MAPK8: variants seen among roughly 807,000 people sequenced by gnomAD.
The protein encoded by MAPK8 is mitogen-activated protein kinase 8.
Under a neutral mutation model 52.9 loss-of-function variants are expected in MAPK8, and 13 were observed. The observed-to-expected ratio is 0.25, with a 90% CI of 0.16 to 0.39. The LOEUF is 0.39. Ranked by LOEUF, MAPK8 falls within the 10% of genes least tolerant of loss-of-function variation. The pLI is 1.00. For synonymous variants in MAPK8, 191 were observed against 169.8 expected, an observed-to-expected ratio of 1.12 and a Z score of -0.97; for missense variants, 300 against 519.2, an observed-to-expected ratio of 0.58 and a Z score of 4.10.
chr10:48,338,034 C>G (rs865955070), intron 1 of MAPK8, among the ~76,000 whole-genome samples: 1 of 152,076 alleles, frequency 6.6e-6, no homozygotes, highest in Non-Finnish European at 1.5e-5. Context: ...AGAGCTGATA[C>G]CAATCTTACT....
rs1266617125 is a variant in MAPK8, at chr10:48,438,251, T to C, written c.*3222T>C. On this transcript the variant is annotated 3_prime_UTR_variant, in exon 12 of 12. Transcript: ENST00000374189. Reference sequence around the variant, plus strand: ...TTCTGTCATTAGCAGCCCTCTTAAATGTTGCCTCTCCGTATCCTGTTGCAT... The same window carrying C: ...TTCTGTCATTAGCAGCCCTCTTAAACGTTGCCTCTCCGTATCCTGTTGCAT... 2.6e-5 allele frequency: 4 copies of C among 152,252 alleles called. No homozygotes were observed. The highest frequency in any genetic ancestry group is 5.9e-5 in the Non-Finnish European group (4 of 68,046). The allele number at this position is 152,252 out of a possible 1,614,324, so 9.4% of individuals were successfully genotyped here.
chr10:48,365,783 C>G (rs1847977075), intron 1 of MAPK8, among the ~76,000 whole-genome samples: 1 of 152,130 alleles, frequency 6.6e-6, no homozygotes, highest in Non-Finnish European at 1.5e-5. Context: ...ATAAGGAAGA[C>G]AAACTTTAGG....
At position 48,427,085 on chromosome 10, in the gene MAPK8, A is replaced by T; in HGVS notation, c.1002A>T (p.Pro334=). ...WYDPSEAEAP[P]PKIPDKQLDE... ...TATTGCCTTGTGTTTTTCAGCCACC[A>T]CCAAAGATCCCTGACAAGCAGTTAG... The change falls in exon 10 of 12, where the codon CCA becomes CCT. Residue 334 remains proline (P), a synonymous_variant. Transcript: ENST00000374189. 6.2e-7 allele frequency: 1 copy of T among 1,613,040 alleles called. No individual in the cohort carries two copies. Among genetic ancestry groups the T allele is most frequent in the African/African-American group, 1.3e-5 (1 of 75,006 alleles).
At chr10:48,389,116 A>G (rs987177016) in intron 1 of MAPK8, among the ~76,000 whole-genome samples, 1 of 152,144 alleles carries the variant, frequency 6.6e-6, no homozygotes, top group African/African-American at 2.4e-5. Flanking sequence ...GTATTTCTGT[A>G]TTAATTACTT....
chr10:48,395,292 A>G (rs1198559758), intron 1 of MAPK8, among the ~76,000 whole-genome samples: 3 of 152,052 alleles, frequency 2.0e-5, no homozygotes, highest in Non-Finnish European at 4.4e-5. Flanking sequence ...ACAGTGTGGT[A>G]TTGGCCGAAG....
Position 48,410,045 on chromosome 10 carries a change from G to A in MAPK8, c.327G>A (p.Glu109=). ...ACTCATAAAGTTACATAGTCATGGA[G>A]CTCATGGATGCAAATCTTTGCCAAG... ...EEFQDVYIVM[E]LMDANLCQVI... Residue 109 remains glutamate (E), a synonymous_variant, in exon 5 of 12, where the codon GAG becomes GAA. Transcript: ENST00000374189. 1 of 1,602,964 alleles carries A rather than the reference G, an allele frequency of 6.2e-7. No individual in the cohort carries two copies. The highest frequency in any genetic ancestry group is 8.5e-7 in the Non-Finnish European group (1 of 1,175,644).
chr10:48,435,629 G>GTAGGCAATCCTACT lies in MAPK8; in HGVS notation c.*603_*616dup, dbSNP rs1340814904. Reference sequence around the variant, plus strand: ...AATCCTAATTTAGTTACAAGAATTGGTAGGCAATCCTACTTAATTTTGGCA... The same window carrying GTAGGCAATCCTACT: ...AATCCTAATTTAGTTACAAGAATTGGTAGGCAATCCTACTTAGGCAATCCTACTTAATTTTGGCA... On this transcript the variant is annotated 3_prime_UTR_variant, in exon 12 of 12. Transcript: ENST00000374189. 2 of 152,150 alleles carry GTAGGCAATCCTACT rather than the reference G, an allele frequency of 1.3e-5. No individual in the cohort carries two copies. Among genetic ancestry groups the GTAGGCAATCCTACT allele is most frequent in the African/African-American group, 4.8e-5 (2 of 41,416 alleles). The allele number at this position is 152,150 out of a possible 1,614,324, so 9.4% of individuals were successfully genotyped here. A position where few individuals can be genotyped will look rare whatever the true frequency, so the allele number is the denominator to read the frequency against.
chr10:48,309,997 C>T (rs1240799550), intron 1 of MAPK8, among the ~76,000 whole-genome samples: 1 of 152,166 alleles, frequency 6.6e-6, no homozygotes, highest in Non-Finnish European at 1.5e-5. Flanking sequence ...AGAAGCCTTG[C>T]ATTCTTACTC....
Position 48,435,274 on chromosome 10 carries a change from C to G in MAPK8, c.*245C>G. 1 of 368,920 alleles carries G rather than the reference C, an allele frequency of 2.7e-6. No homozygotes were observed. The highest frequency in any genetic ancestry group is 4.8e-6 in the Non-Finnish European group (1 of 208,132). 22.9% of individuals were successfully genotyped at this position (368,920 alleles called of 1,614,324 possible). ...CTGTAATTAACTGTATAATGTAAAC[C>G]TAATTATTTTATCATGGTTTAAATT... On this transcript the variant is annotated 3_prime_UTR_variant, in exon 12 of 12. Coordinates refer to ENST00000374189, the MANE Select transcript of MAPK8 (RefSeq NM_001323329.2).
intron 7 of MAPK8, chr10:48,425,549 A>G (rs973475837): frequency 6.1e-6 from 2 of 328,672 alleles, no homozygotes; most frequent in African/African-American, 4.3e-5. Flanking sequence ...ATATTATTAT[A>G]GCATTGTGTG....
chr10:48,392,647 T>A (rs960880050), intron 1 of MAPK8, among the ~76,000 whole-genome samples: 1 of 152,112 alleles, frequency 6.6e-6, no homozygotes, highest in African/African-American at 2.4e-5. Context: ...ATTTTCTTTC[T>A]CATTCCCCCA....
intron 6 of MAPK8, among the ~76,000 whole-genome samples, chr10:48,420,907 T>C (rs2043316739): frequency 6.6e-6 from 1 of 152,192 alleles, no homozygotes; most frequent in Non-Finnish European, 1.5e-5. Context: ...AACCTAAGAA[T>C]CAGTGTTGAA....
chr10:48,383,077 A>G (rs1029553869), intron 1 of MAPK8, among the ~76,000 whole-genome samples: 6 of 151,942 alleles, frequency 3.9e-5, no homozygotes, highest in African/African-American at 1.2e-4. Flanking sequence ...TAAACAGCCA[A>G]TATTCCTGGC....
At position 48,439,117 on chromosome 10, in the gene MAPK8, CCCTCTGCGATGTCATT is replaced by C. The variant is rs2045094379; in HGVS notation, c.*4093_*4108del. 1 of 151,966 alleles carries C rather than the reference CCCTCTGCGATGTCATT, an allele frequency of 6.6e-6. No homozygotes were observed. The highest frequency in any genetic ancestry group is 2.4e-5 in the African/African-American group (1 of 41,354). 9.4% of individuals were successfully genotyped at this position (151,966 alleles called of 1,614,324 possible). ...TATGATAGCTGACATTTGCTTTTCTCCCTCTGCGATGTCATTCCTCCTCCATTCCTCTCCTTCCCTG... is the reference window on the plus strand; with the variant it reads ...TATGATAGCTGACATTTGCTTTTCTCCCTCCTCCATTCCTCTCCTTCCCTG... On this transcript the variant is annotated 3_prime_UTR_variant, in exon 12 of 12. Coordinates refer to ENST00000374189, the MANE Select transcript of MAPK8 (RefSeq NM_001323329.2).
At chr10:48,400,711 T>G (rs1354187930) in intron 1 of MAPK8, among the ~76,000 whole-genome samples, 1 of 152,214 alleles carries the variant, frequency 6.6e-6, no homozygotes, top group East Asian at 1.9e-4. Flanking sequence ...AAACAATAAC[T>G]TTAGACCTAA....
Position 48,405,712 on chromosome 10 carries a change from T to C in MAPK8, c.252+731T>C, listed in dbSNP as rs554823781. Among the ~76,000 whole-genome samples the C allele has an allele frequency of 4.8e-4, 73 of 152,346 alleles. 1 individual carries two copies. Among genetic ancestry groups the C allele is most frequent in the African/African-American group, 1.8e-3 (73 of 41,580 alleles). On this transcript the variant is annotated intron_variant, in intron 3 of 11. Coordinates refer to ENST00000374189, the MANE Select transcript of MAPK8 (RefSeq NM_001323329.2). ...GGAGTGAATTGTGTAAGGGACACTT[T>C]TAGGCAGTCCTAAACCGAAGGCATC...
At position 48,420,344 on chromosome 10, in the gene MAPK8, A is replaced by C. The variant is rs774804012; in HGVS notation, c.616+24A>C. 5.8e-6 allele frequency: 9 copies of C among 1,539,374 alleles called. No homozygotes were observed. In the South Asian group the frequency reaches 1.0e-4, roughly 17 times the overall value. The stretch of plus-strand genomic sequence containing the variant: ...CGGTCAGCACACACATTTATTTGAA[A>C]TATTTTTCTGATTTAGCTTTTTTCT... On this transcript the variant is annotated intron_variant, in intron 6 of 11. Transcript: ENST00000374189.
intron 2 of MAPK8, 69 bp from the exon 3 acceptor site, chr10:48,404,781 CTG>C: frequency 8.2e-7 from 1 of 1,216,650 alleles, no homozygotes; most frequent in South Asian, 1.4e-5. Context: ...ATGTATATGA[CTG>C]TTTCATGAAT....
chr10:48,420,752 A>G (rs532014198), intron 6 of MAPK8, among the ~76,000 whole-genome samples: 1 of 152,326 alleles, frequency 6.6e-6, no homozygotes, highest in African/African-American at 2.4e-5. Context: ...GTAAATTTTA[A>G]GAGATACATT....
Sources: gnomAD v4.1 joint callset for allele counts (sites outside exome capture counted in the v4.1 genomes callset) on GRCh38, gnomAD v4.1.1 for gene constraint, MANE v1.5 for transcripts, NCBI Gene and HGNC (gene_info 2026-07-23, HGNC 2026-07-21) for gene names.